Variants in GRIK1 observed in about 807,000 individuals in gnomAD.
GRIK1 encodes glutamate ionotropic receptor kainate type subunit 1.
Under a neutral mutation model 105.7 loss-of-function variants are expected in GRIK1, and 69 were observed. That is an observed-to-expected ratio of 0.65 (90% CI 0.54 to 0.80). GRIK1 has a LOEUF of 0.80. Among genes scored for constraint, GRIK1 ranks in the 30% least tolerant of loss-of-function variants. The pLI is 0.00. For synonymous variants in GRIK1, 438 were observed against 431.3 expected, an observed-to-expected ratio of 1.02 and a Z score of -0.19; for missense variants, 1,109 against 1,167.3, an observed-to-expected ratio of 0.95 and a Z score of 0.73.
intron 1 of GRIK1, among the ~76,000 whole-genome samples, chr21:29,784,867 T>A (rs2066217038): frequency 6.6e-6 from 1 of 152,204 alleles, no homozygotes. Flanking sequence ...CACTTATAAA[T>A]CAGGGAGTTG....
chr21:29,681,549 C>T (rs2146679286), intron 3 of GRIK1, among the ~76,000 whole-genome samples: 1 of 152,328 alleles, frequency 6.6e-6, no homozygotes, highest in African/African-American at 2.4e-5. Flanking sequence ...TCCTTGCAGC[C>T]TTTGCTCAAG....
At chr21:29,925,456 T>C (rs146564550) in intron 1 of GRIK1, among the ~76,000 whole-genome samples, 1 of 152,192 alleles carries the variant, frequency 6.6e-6, no homozygotes, top group Non-Finnish European at 1.5e-5. Context: ...CTTTAAAATA[T>C]TTTTAGAATA....
intron 4 of GRIK1, among the ~76,000 whole-genome samples, chr21:29,661,063 T>A (rs2062952804): frequency 6.6e-6 from 1 of 152,230 alleles, no homozygotes; most frequent in Non-Finnish European, 1.5e-5. Context: ...GCCATGCAAT[T>A]TTTAATGGTG....
At position 29,561,646 on chromosome 21, in the gene GRIK1, A is replaced by T; in HGVS notation, c.2334T>A (p.Gly778=). The change falls in exon 15 of 18, where the codon GGT becomes GGA. Residue 778 remains glycine (G), a synonymous_variant. Coordinates refer to ENST00000327783, the MANE Select transcript of GRIK1 (RefSeq NM_001330994.2). ...TACCAATAGGTGTTCCCACTCCGTA[A>T]CCTTTGGAGTCAATGAGGCCCCCGA... ...TQIGGLIDSK[G]YGVGTPIGSP... is the part of the protein sequence containing the mutation. 1 of 1,611,600 alleles carries T rather than the reference A, an allele frequency of 6.2e-7. No individual in the cohort carries two copies. The highest frequency in any genetic ancestry group is 8.5e-7 in the Non-Finnish European group (1 of 1,177,760).
At chr21:29,611,192 G>C (rs1230494644) in intron 7 of GRIK1, among the ~76,000 whole-genome samples, 1 of 152,094 alleles carries the variant, frequency 6.6e-6, no homozygotes, top group African/African-American at 2.4e-5. Flanking sequence ...ACTTTTGTTT[G>C]TTTTACTATT....
intron 1 of GRIK1, among the ~76,000 whole-genome samples, chr21:29,713,526 T>C (rs1359569838): frequency 2.6e-5 from 4 of 152,178 alleles, no homozygotes; most frequent in Non-Finnish European, 5.9e-5. Context: ...GCATGGCATG[T>C]GGAAACAATC....
In GRIK1 at chr21:29,797,814, T is replaced by C. The variant is rs535132119; in HGVS notation, c.119-103751A>G. Among the ~76,000 whole-genome samples, 5 of 152,288 alleles carry C rather than the reference T, an allele frequency of 3.3e-5. No homozygotes were observed. The South Asian group carries it at 1.0e-3, about 32-fold the overall frequency. On this transcript the variant is annotated intron_variant, in intron 1 of 17. Coordinates refer to ENST00000327783, the MANE Select transcript of GRIK1 (RefSeq NM_001330994.2). ...GCCTAGATTTCTTTTATCAAAAAAG[T>C]ACAACGTTTTCTCCCACTAGATGAG...
chr21:29,627,279 G>C (rs1010805604), intron 7 of GRIK1, among the ~76,000 whole-genome samples: 4 of 152,140 alleles, frequency 2.6e-5, no homozygotes, highest in African/African-American at 9.7e-5. Context: ...ACTTACGTTT[G>C]AATTCCATTA....
At chr21:29,554,750 T>C (rs1410308329) in intron 16 of GRIK1, among the ~76,000 whole-genome samples, 1 of 152,214 alleles carries the variant, frequency 6.6e-6, no homozygotes, top group Non-Finnish European at 1.5e-5. Context: ...ATCTAGGGTT[T>C]CTATCTTACG....
At chr21:29,592,593 T>G (rs1322644040) in intron 9 of GRIK1, among the ~76,000 whole-genome samples, 2 of 152,228 alleles carry the variant, frequency 1.3e-5, no homozygotes, top group Non-Finnish European at 2.9e-5. Context: ...ACCTTGTTGC[T>G]GTGTGTCCTT....
chr21:29,900,673 CCACA>C (rs1204079316), intron 1 of GRIK1, among the ~76,000 whole-genome samples: 1 of 151,966 alleles, frequency 6.6e-6, no homozygotes, highest in Admixed American at 6.6e-5. Flanking sequence ...ACTTAGACTC[CCACA>C]CAATAATAAT....
At chr21:29,681,712 A>T (rs1470315021) in intron 3 of GRIK1, among the ~76,000 whole-genome samples, 1 of 152,188 alleles carries the variant, frequency 6.6e-6, no homozygotes, top group Non-Finnish European at 1.5e-5. Flanking sequence ...AAAATGGTTT[A>T]TTATTCCCAT....
intron 14 of GRIK1, among the ~76,000 whole-genome samples, chr21:29,576,649 T>G (rs901385855): frequency 6.6e-6 from 1 of 152,024 alleles, no homozygotes; most frequent in Non-Finnish European, 1.5e-5. Flanking sequence ...AATGAGTGGT[T>G]AGATTGTATT....
chr21:29,906,933 A>G (rs1013842569), intron 1 of GRIK1, among the ~76,000 whole-genome samples: 2 of 152,048 alleles, frequency 1.3e-5, no homozygotes, highest in Non-Finnish European at 2.9e-5. Flanking sequence ...TTAAAACTGA[A>G]CAAACAATAA....
intron 3 of GRIK1, among the ~76,000 whole-genome samples, chr21:29,685,943 ACT>A (rs976930822): frequency 6.6e-6 from 1 of 152,044 alleles, no homozygotes; most frequent in Non-Finnish European, 1.5e-5. Context: ...TCCCTTGAAG[ACT>A]CTTATTTCAT....
intron 6 of GRIK1, among the ~76,000 whole-genome samples, chr21:29,644,671 T>C (rs1211665545): frequency 6.6e-6 from 1 of 152,218 alleles, no homozygotes; most frequent in Non-Finnish European, 1.5e-5. Flanking sequence ...ATAAGGCTAC[T>C]CTGTAATCAA....
intron 15 of GRIK1, among the ~76,000 whole-genome samples, chr21:29,556,621 A>G (rs1265369381): frequency 6.6e-6 from 1 of 152,160 alleles, no homozygotes; most frequent in East Asian, 1.9e-4. Flanking sequence ...CAGTGTGGTT[A>G]TGTGACTGGT....
chr21:29,643,165 G>A (rs2062549432), intron 6 of GRIK1, among the ~76,000 whole-genome samples, 196 bp from the exon 7 acceptor site: 1 of 151,878 alleles, frequency 6.6e-6, no homozygotes, highest in Admixed American at 6.6e-5. Flanking sequence ...GTAAATTGAA[G>A]TTATAACTCT....
chr21:29,761,526 A>C (rs1232565626), intron 1 of GRIK1: 1 of 152,204 alleles, frequency 6.6e-6, no homozygotes, highest in Non-Finnish European at 1.5e-5. Flanking sequence ...CCAATTCTGA[A>C]ATGAAAAAAA....
Sources: allele counts gnomAD v4.1 joint callset (sites outside exome capture counted in the v4.1 genomes callset), GRCh38; gene constraint gnomAD v4.1.1; transcripts MANE v1.5; gene names NCBI Gene and HGNC (gene_info 2026-07-23, HGNC 2026-07-21).